Variants in PPP3CB observed in about 807,000 individuals in gnomAD.
The protein encoded by PPP3CB is serine/threonine-protein phosphatase 2B catalytic subunit beta isoform.
A neutral mutation model predicts 66.4 loss-of-function variants in PPP3CB; 8 were observed. The observed-to-expected ratio is 0.12, with a 90% CI of 0.07 to 0.22. PPP3CB has a LOEUF of 0.22. Among genes scored for constraint, PPP3CB ranks in the 10% least tolerant of loss-of-function variants. The probability of loss-of-function intolerance (pLI) is 1.00; values close to 1 mark genes in which losing one functional copy is unlikely to be tolerated. For synonymous variants in PPP3CB, 208 were observed against 221.2 expected, an observed-to-expected ratio of 0.94 and a Z score of 0.53; for missense variants, 319 against 642.5, an observed-to-expected ratio of 0.50 and a Z score of 5.44.
chr10:73,483,636 G>C (rs2056920446), intron 1 of PPP3CB, among the ~76,000 whole-genome samples: 2 of 152,114 alleles, frequency 1.3e-5, no homozygotes, highest in South Asian at 2.1e-4. Flanking sequence ...CAGCCTGGGA[G>C]ACAGAGCAAG....
intron 9 of PPP3CB, among the ~76,000 whole-genome samples, chr10:73,464,006 C>A (rs2056575438): frequency 6.6e-6 from 1 of 152,150 alleles, no homozygotes; most frequent in South Asian, 2.1e-4. Context: ...TCTCAGCTCA[C>A]TGCAACCTCC....
chr10:73,445,003 T>G (rs2056224268), intron 11 of PPP3CB, among the ~76,000 whole-genome samples, 181 bp from the exon 12 acceptor site: 1 of 152,234 alleles, frequency 6.6e-6, no homozygotes, highest in Non-Finnish European at 1.5e-5. Flanking sequence ...TATGAGGGTG[T>G]GCCTTACCAT....
chr10:73,443,474 C>T (rs1190486347), intron 12 of PPP3CB, among the ~76,000 whole-genome samples: 1 of 152,014 alleles, frequency 6.6e-6, no homozygotes, highest in Admixed American at 6.5e-5. Context: ...TCACTAATTA[C>T]AACACCAAAA....
At chr10:73,489,360 A>G (rs1207792074) in intron 1 of PPP3CB, among the ~76,000 whole-genome samples, 1 of 151,954 alleles carries the variant, frequency 6.6e-6, no homozygotes, top group Non-Finnish European at 1.5e-5. Context: ...GGCCAGAATT[A>G]GCCATCAAAA....
chr10:73,440,258 C>T (rs558632695), intron 12 of PPP3CB, among the ~76,000 whole-genome samples: 3 of 152,132 alleles, frequency 2.0e-5, no homozygotes, highest in Admixed American at 6.5e-5. Context: ...TATATCACAT[C>T]CATCACAATC....
intron 1 of PPP3CB, among the ~76,000 whole-genome samples, chr10:73,492,590 C>T (rs1043153834): frequency 6.6e-6 from 1 of 152,154 alleles, no homozygotes; most frequent in African/African-American, 2.4e-5. Flanking sequence ...TTTCTTATTT[C>T]CTACATAGCT....
intron 3 of PPP3CB, among the ~76,000 whole-genome samples, chr10:73,476,703 T>G (rs867792898): frequency 2.0e-5 from 3 of 152,146 alleles, no homozygotes; most frequent in Middle Eastern, 6.8e-3. Context: ...ATAAGCTTCA[T>G]AAAACTGTTT....
At chr10:73,444,941 T>C (rs1177122513) in intron 11 of PPP3CB, 119 bp from the exon 12 acceptor site, 2 of 1,016,232 alleles carry the variant, frequency 2.0e-6, no homozygotes, top group African/African-American at 3.3e-5. Context: ...GCTATTACCA[T>C]ATTTTCCTCA....
At chr10:73,491,199 T>A (rs1386136862) in intron 1 of PPP3CB, among the ~76,000 whole-genome samples, 1 of 151,904 alleles carries the variant, frequency 6.6e-6, no homozygotes, top group Non-Finnish European at 1.5e-5. Context: ...CCAGGCTAAT[T>A]TTTGTATTTT....
Position 73,438,144 on chromosome 10 carries a change from A to G in PPP3CB, c.*98T>C. 4 of 1,202,828 alleles carry G rather than the reference A, an allele frequency of 3.3e-6. No individual in the cohort carries two copies. Among genetic ancestry groups the G allele is most frequent in the Non-Finnish European group, 3.5e-6 (3 of 858,004 alleles). 74.5% of individuals were successfully genotyped at this position (1,202,828 alleles called of 1,614,324 possible). A position where few individuals can be genotyped will look rare whatever the true frequency, so the allele number is the denominator to read the frequency against. Reference sequence around the variant, plus strand: ...GAAGCACAATGGTTTCTTCAGAGAGACTGTGAAATTTACAGTCAGCTTGGC... The same window carrying G: ...GAAGCACAATGGTTTCTTCAGAGAGGCTGTGAAATTTACAGTCAGCTTGGC... On this transcript the variant is annotated 3_prime_UTR_variant, in exon 14 of 14. Transcript: ENST00000360663.
At chr10:73,495,093 G>C (rs375124128) in intron 1 of PPP3CB, among the ~76,000 whole-genome samples, 1 of 152,216 alleles carries the variant, frequency 6.6e-6, no homozygotes, top group African/African-American at 2.4e-5. Context: ...TTGTAAGGGA[G>C]GGGTAACTCC....
At position 73,461,783 on chromosome 10, in the gene PPP3CB, T is replaced by C. The variant is rs558001354; in HGVS notation, c.1108+5770A>G. ...GATATTATAGGGACCATGGGCAGAATGATATAGTTTGGATGTTGTCACCTA... is the reference window on the plus strand; with the variant it reads ...GATATTATAGGGACCATGGGCAGAACGATATAGTTTGGATGTTGTCACCTA... On this transcript the variant is annotated intron_variant, in intron 9 of 13. Transcript: ENST00000360663. Among the ~76,000 whole-genome samples, 3 of 152,238 alleles carry C rather than the reference T, an allele frequency of 2.0e-5. No individual in the cohort carries two copies. The East Asian group carries it at 5.8e-4, about 29-fold the overall frequency.
intron 13 of PPP3CB, among the ~76,000 whole-genome samples, chr10:73,439,244 G>C (rs375869288): frequency 1.3e-5 from 2 of 152,202 alleles, no homozygotes; most frequent in African/African-American, 4.8e-5. Context: ...GCAATCCTTA[G>C]GTCTTAGTCT....
At chr10:73,486,817 T>C (rs866393951) in intron 1 of PPP3CB, among the ~76,000 whole-genome samples, 1 of 152,290 alleles carries the variant, frequency 6.6e-6, no homozygotes, top group South Asian at 2.1e-4. Context: ...GGAAAAAAAA[T>C]GCCTCCTCCT....
At chr10:73,457,543 G>C (rs2056448896) in intron 9 of PPP3CB, among the ~76,000 whole-genome samples, 1 of 151,950 alleles carries the variant, frequency 6.6e-6, no homozygotes, top group African/African-American at 2.4e-5. Flanking sequence ...TTTGAGATCA[G>C]CCTTACCAAC....
intron 10 of PPP3CB, among the ~76,000 whole-genome samples, chr10:73,453,078 A>T (rs1185567243): frequency 6.6e-6 from 1 of 152,236 alleles, no homozygotes; most frequent in African/African-American, 2.4e-5. Flanking sequence ...AAGCAACTAT[A>T]ATTTACTACT....
chr10:73,461,758 G>A (rs1304843174), intron 9 of PPP3CB, among the ~76,000 whole-genome samples: 6 of 152,132 alleles, frequency 3.9e-5, no homozygotes, highest in Admixed American at 3.9e-4. Context: ...AGAAGGACAT[G>A]ATATTATAGG....
rs375309304 is a variant in PPP3CB at position 73,458,796 on chromosome 10, G to A, written c.1109-4307C>T. On this transcript the variant is annotated intron_variant, in intron 9 of 13. Transcript: ENST00000360663. ...TAAAATGGTACAGCTAAGGCCGGGCGCAGTGGCTCATGCCTGTAATCCCAG... is the reference window on the plus strand; with the variant it reads ...TAAAATGGTACAGCTAAGGCCGGGCACAGTGGCTCATGCCTGTAATCCCAG... 1.4e-4 allele frequency among the ~76,000 whole-genome samples: 22 copies of A among 151,968 alleles called. No homozygotes were observed. The East Asian group carries it at 3.5e-3, about 24-fold the overall frequency.
chr10:73,492,814 T>A (rs75570063), intron 1 of PPP3CB, among the ~76,000 whole-genome samples: 7,478 of 152,204 alleles, frequency 0.049, 557 homozygotes, highest in African/African-American at 0.16. Flanking sequence ...TCACATTTAC[T>A]CATGAATCAC....
Sources: allele counts gnomAD v4.1 joint callset (sites outside exome capture counted in the v4.1 genomes callset), GRCh38; gene constraint gnomAD v4.1.1; transcripts MANE v1.5; gene names NCBI Gene and HGNC (gene_info 2026-07-23, HGNC 2026-07-21).